ZNF484: variants seen among roughly 807,000 people sequenced by gnomAD.
ZNF484 encodes the protein KRAB box containing C2H2 type zinc finger bA526D8.4.
ZNF484 carries 11 observed loss-of-function variants against 12.9 expected under a neutral mutation model. The observed-to-expected ratio is 0.85, with a 90% confidence interval of 0.54 to 1.41. The LOEUF (loss-of-function observed/expected upper bound fraction) is 1.41, where lower values mean the gene tolerates loss of function less well. Ranked by LOEUF, ZNF484 falls within the 40% of genes most tolerant of loss-of-function variation. The pLI, the probability that ZNF484 is intolerant of heterozygous loss-of-function variation, is 0.00. For missense variants in ZNF484, 807 were observed against 1,007.7 expected, an observed-to-expected ratio of 0.80 and a Z score of 2.70; for synonymous variants, 289 against 334.1, an observed-to-expected ratio of 0.86 and a Z score of 1.47.
At chr9:92,858,989 G>A (rs1856625909) in intron 2 of ZNF484, among the ~76,000 whole-genome samples, 1 of 152,056 alleles carries the variant, frequency 6.6e-6, no homozygotes, top group Non-Finnish European at 1.5e-5. Flanking sequence ...AGCTGGGTGT[G>A]GTGGTGGGCA....
At chr9:92,856,486 A>T (rs916255478) in intron 2 of ZNF484, among the ~76,000 whole-genome samples, 168 bp from the exon 3 acceptor site, 4 of 152,210 alleles carry the variant, frequency 2.6e-5, no homozygotes, top group Non-Finnish European at 5.9e-5. Context: ...CAATTCAACG[A>T]CAACGAACAA....
At position 92,846,561 on chromosome 9, in the gene ZNF484, A is replaced by G; in HGVS notation, c.2226T>C (p.His742=). 1 of 1,614,026 alleles carries G rather than the reference A, an allele frequency of 6.2e-7. No homozygotes were observed. The highest frequency in any genetic ancestry group is 8.5e-7 in the Non-Finnish European group (1 of 1,179,982). The part of the protein sequence containing the change: ...KSHLNRHRRI[H]TGEKPYECSD... ...TGCATTCATAGGGTTTCTCTCCAGT[A>G]TGAATTCTCCTGTGTCTATTTAAGT... is the stretch of plus-strand genomic sequence containing the variant. The change falls in exon 5 of 5, where the codon CAT becomes CAC. Residue 742 remains histidine, a synonymous_variant. Transcript: ENST00000375495.
At position 92,848,122 on chromosome 9, in the gene ZNF484, G is replaced by T. The variant is rs754313671; in HGVS notation, c.665C>A (p.Ala222Asp). 2.5e-6 allele frequency: 4 copies of T among 1,614,146 alleles called. No homozygotes were observed. The Admixed American group carries it at 6.7e-5, about 27-fold the overall frequency. Residue 222 changes from alanine (A) to aspartate (D), a missense_variant, in exon 5 of 5, where the codon GCT (alanine) becomes GAT (aspartate). Transcript: ENST00000375495. This position sits in a 1 kb window ranked among gnomAD's most constrained non-coding sequence, Gnocchi z 4.1. ...THLNSHTEVT[A>D]CECNQCGKPL... ...TTTCCCACATTGGTTACATTCACAA[G>T]CAGTCACTTCTGTATGAGAATTCAA...
chr9:92,848,445 A>C lies in ZNF484; in HGVS notation c.342T>G (p.Ile114Met). The change falls in exon 5 of 5, where the codon ATT (isoleucine) becomes ATG (methionine). Residue 114 changes from isoleucine to methionine, a missense_variant. Transcript: ENST00000375495. This position sits in a 1 kb window ranked among gnomAD's most constrained non-coding sequence, Gnocchi z 4.1. The part of the protein sequence containing the change: ...NLFTRDDPYS[I>M]LEELWKDDEH... ...CATCGTCTTTCCACAATTCTTCTAA[A>C]ATGGAATATGGGTCATCTCTTGTGA... 6.2e-7 allele frequency: 1 copy of C among 1,614,108 alleles called. No homozygotes were observed. Among genetic ancestry groups the C allele is most frequent in the Non-Finnish European group, 8.5e-7 (1 of 1,180,008 alleles).
At chr9:92,856,453 C>A (rs1856467697) in intron 2 of ZNF484, 135 bp from the exon 3 acceptor site, 3 of 595,276 alleles carry the variant, frequency 5.0e-6, no homozygotes, top group African/African-American at 1.9e-5. Flanking sequence ...TAATGTGATA[C>A]AATATACTAT....
intron 2 of ZNF484, among the ~76,000 whole-genome samples, chr9:92,862,578 A>T (rs1254750181): frequency 1.3e-5 from 2 of 151,782 alleles, no homozygotes; most frequent in Non-Finnish European, 2.9e-5. Context: ...AAATTCAGGG[A>T]ACCACAAATT....
chr9:92,877,365 T>C (rs1238734082), intron 1 of ZNF484, among the ~76,000 whole-genome samples: 1 of 151,930 alleles, frequency 6.6e-6, no homozygotes, highest in African/African-American at 2.4e-5. Context: ...TCTTTTTAAA[T>C]AGAGAAAGAA....
rs1856057316 is a variant in ZNF484 at position 92,851,270 on chromosome 9, TGA to T, written c.236-2721_236-2720del. ...TGCCCTAGGGCAGGGGTCAGAAAACTGAAGCCCTTGGGCCAAATCCAGGCCTC... is the reference window on the plus strand; with the variant it reads ...TGCCCTAGGGCAGGGGTCAGAAAACTAGCCCTTGGGCCAAATCCAGGCCTC... On this transcript the variant is annotated intron_variant, in intron 4 of 4. Transcript: ENST00000375495. Among the ~76,000 whole-genome samples, 4 of 152,360 alleles carry T rather than the reference TGA, an allele frequency of 2.6e-5. No homozygotes were observed. In the South Asian group the frequency reaches 8.3e-4, roughly 32 times the overall value.
Position 92,855,783 on chromosome 9 carries a change from T to C in ZNF484, c.235+28A>G, listed in dbSNP as rs575016611. 5.4e-4 allele frequency: 875 copies of C among 1,606,230 alleles called. 9 individuals carry two copies. In the South Asian group the frequency reaches 9.3e-3, roughly 17 times the overall value. ...GTACAAATGCAGCTGAGTCATACTG[T>C]CTACCATGCTCTTGGTTCCCTTCTC... On this transcript the variant is annotated intron_variant, in intron 4 of 4. Coordinates refer to ENST00000375495, the MANE Select transcript of ZNF484 (RefSeq NM_031486.4).
chr9:92,867,858 T>TA (rs1857200580), intron 2 of ZNF484, among the ~76,000 whole-genome samples: 1 of 152,212 alleles, frequency 6.6e-6, no homozygotes, highest in South Asian at 2.1e-4. Flanking sequence ...TAAGTCCTTC[T>TA]CGTGAATTAT....
intron 1 of ZNF484, among the ~76,000 whole-genome samples, chr9:92,876,551 G>T (rs12338961): frequency 0.41 from 63,049 of 151,960 alleles, 14,049 homozygotes; most frequent in African/African-American, 0.57. Context: ...TAAAAACAAG[G>T]GTGGCAATGT....
intron 2 of ZNF484, among the ~76,000 whole-genome samples, chr9:92,871,274 AT>A (rs1323671257): frequency 6.6e-6 from 1 of 152,200 alleles, no homozygotes; most frequent in African/African-American, 2.4e-5. Context: ...GAATTAAAAA[AT>A]AACCAATATT....
chr9:92,867,460 C>A (rs1857174124), intron 2 of ZNF484, among the ~76,000 whole-genome samples: 1 of 152,004 alleles, frequency 6.6e-6, no homozygotes, highest in African/African-American at 2.4e-5. Context: ...CCAGCCTGGG[C>A]AACAAGAGCG....
intron 2 of ZNF484, 137 bp downstream of exon 2, chr9:92,874,878 T>C: frequency 1.2e-6 from 1 of 826,186 alleles, no homozygotes; most frequent in Admixed American, 2.9e-5. Flanking sequence ...GCTGACAGTC[T>C]CTTCTTCATT....
At position 92,848,069 on chromosome 9, in the gene ZNF484, G is replaced by T. The variant is rs1855802272; in HGVS notation, c.718C>A (p.Gln240Lys). 3.1e-6 allele frequency: 5 copies of T among 1,614,196 alleles called. No individual in the cohort carries two copies. In the East Asian group the frequency reaches 8.9e-5, roughly 29 times the overall value. The part of the protein sequence containing the change: ...KPLHHKQALI[Q>K]QQKIHTRESL... ...TCTCTAGTATGAATTTTCTGTTGTT[G>T]AATGAGAGCTTGCTTATGATGCAGA... is the stretch of plus-strand genomic sequence containing the variant. The change falls in exon 5 of 5, where the codon CAA becomes AAA. Residue 240 changes from glutamine to lysine, a missense_variant. Gln to Lys is a moderately conservative substitution (Grantham distance 53, BLOSUM62 1). Transcript: ENST00000375495. The surrounding 1 kb of genome is among the most constrained non-coding windows in gnomAD (Gnocchi z 4.1).
chr9:92,854,426 T>G (rs1180299047), intron 4 of ZNF484, among the ~76,000 whole-genome samples: 1 of 152,112 alleles, frequency 6.6e-6, no homozygotes, highest in Non-Finnish European at 1.5e-5. Context: ...CTTAAGAAAT[T>G]CTCATTTCCG....
chr9:92,862,044 G>T (rs781670482), intron 2 of ZNF484: 4 of 525,084 alleles, frequency 7.6e-6, no homozygotes, highest in Non-Finnish European at 9.8e-6. Flanking sequence ...TTTTTCAAGT[G>T]CTGAAGAGAA....
Position 92,847,994 on chromosome 9 carries a change from G to A in ZNF484, c.793C>T (p.His265Tyr), listed in dbSNP as rs767148832. 3 of 1,614,210 alleles carry A rather than the reference G, an allele frequency of 1.9e-6. No homozygotes were observed. The highest frequency in any genetic ancestry group is 2.5e-6 in the Non-Finnish European group (3 of 1,180,034). ...CAAATACTCTCATGTGCAAAGGCATGTGACTTCGGGGAGAAAACATTTACG... is the reference window on the plus strand; with the variant it reads ...CAAATACTCTCATGTGCAAAGGCATATGACTTCGGGGAGAAAACATTTACG... ...DYVNVFSPKS[H>Y]AFAHESICAE... The change falls in exon 5 of 5, where the codon CAT (histidine) becomes TAT (tyrosine). Residue 265 changes from histidine (H) to tyrosine (Y), a missense_variant. Coordinates refer to ENST00000375495, the MANE Select transcript of ZNF484 (RefSeq NM_031486.4).
chr9:92,848,705 T>C lies in ZNF484; in HGVS notation c.236-154A>G, dbSNP rs903600392. Among the ~76,000 whole-genome samples, 7 of 151,896 alleles carry C rather than the reference T, an allele frequency of 4.6e-5. No individual in the cohort carries two copies. The South Asian group carries it at 1.5e-3, about 32-fold the overall frequency. On this transcript the variant is annotated intron_variant, in intron 4 of 4. Transcript: ENST00000375495. This position sits in a 1 kb window ranked among gnomAD's most constrained non-coding sequence, Gnocchi z 4.1. ...GAGTTTGAGACCAGCCTGGCCAGCA[T>C]AGCAAAACTCTGTCTCTGCTAAAAA...
Sources: allele counts gnomAD v4.1 joint callset (sites outside exome capture counted in the v4.1 genomes callset), GRCh38; gene constraint gnomAD v4.1.1; non-coding constraint Gnocchi (gnomAD v3.1); transcripts MANE v1.5; gene names NCBI Gene and HGNC (gene_info 2026-07-23, HGNC 2026-07-21).